The following FAM20C variants were observed in gnomAD, a reference collection of about 807,000 sequenced individuals.
FAM20C encodes the protein extracellular serine/threonine protein kinase FAM20C.
FAM20C carries 40 observed loss-of-function variants against 51.5 expected under a neutral mutation model. That is an observed-to-expected ratio of 0.78 (90% CI 0.60 to 1.01). FAM20C has a LOEUF of 1.01. FAM20C is among the 50% of genes least tolerant of loss of function. The probability of loss-of-function intolerance (pLI) is 0.00; values close to 1 mark genes in which losing one functional copy is unlikely to be tolerated. For synonymous variants in FAM20C, 406 were observed against 380.6 expected, an observed-to-expected ratio of 1.07 and a Z score of -0.78; for missense variants, 861 against 844.7, an observed-to-expected ratio of 1.02 and a Z score of -0.24.
chr7:232,508 A>G (rs1423303551), intron 3 of FAM20C, among the ~76,000 whole-genome samples: 2 of 152,246 alleles, frequency 1.3e-5, no homozygotes, highest in African/African-American at 2.4e-5. Context: ...TCACTCAAAC[A>G]GCTTAGCACA....
At chr7:223,932 CT>C (rs1787350167) in intron 3 of FAM20C, among the ~76,000 whole-genome samples, 1 of 152,186 alleles carries the variant, frequency 6.6e-6, no homozygotes, top group African/African-American at 2.4e-5. Context: ...TGAGGGGCAC[CT>C]GGGACCCCTG....
intron 9 of FAM20C, among the ~76,000 whole-genome samples, chr7:259,486 CTCTT>C (rs1788784283): frequency 6.6e-6 from 1 of 152,098 alleles, no homozygotes; most frequent in African/African-American, 2.4e-5. Flanking sequence ...CTGCCTGTTT[CTCTT>C]TATCTGTGTC....
At chr7:220,469 T>C (rs961909482) in intron 3 of FAM20C, among the ~76,000 whole-genome samples, 1 of 152,068 alleles carries the variant, frequency 6.6e-6, no homozygotes, top group Non-Finnish European at 1.5e-5. Context: ...GGGTGATGCG[T>C]GGAGGGACTG....
At chr7:259,243 G>A (rs371399332) in intron 9 of FAM20C, among the ~76,000 whole-genome samples, 33 of 152,248 alleles carry the variant, frequency 2.2e-4, no homozygotes, top group East Asian at 1.7e-3. Flanking sequence ...TGAGCGGGCC[G>A]CCCTCCTCAC....
intron 6 of FAM20C, 184 bp downstream of exon 6, chr7:256,213 C>T: frequency 1.3e-6 from 1 of 774,000 alleles, no homozygotes; most frequent in South Asian, 1.9e-5. Context: ...CGTCCTTACT[C>T]CAGTATTTCC....
intron 3 of FAM20C, among the ~76,000 whole-genome samples, chr7:232,104 C>T (rs536877725): frequency 6.6e-6 from 1 of 152,382 alleles, no homozygotes; most frequent in South Asian, 2.1e-4. Context: ...ACGCCCCTTT[C>T]CCTGCTCGGC....
chr7:250,894 C>T (rs1370843219), intron 5 of FAM20C, among the ~76,000 whole-genome samples: 1 of 152,242 alleles, frequency 6.6e-6, no homozygotes, highest in African/African-American at 2.4e-5. Context: ...CAGGTGCCAG[C>T]GCCCCATGCA....
intron 3 of FAM20C, among the ~76,000 whole-genome samples, chr7:211,159 C>G (rs1786689712): frequency 6.8e-6 from 1 of 147,610 alleles, no homozygotes; most frequent in African/African-American, 2.5e-5. Flanking sequence ...TGGGCCTCCT[C>G]CCAGCCTCCG....
At chr7:232,000 G>A (rs768966622) in intron 3 of FAM20C, among the ~76,000 whole-genome samples, 8 of 152,174 alleles carry the variant, frequency 5.3e-5, no homozygotes, top group Non-Finnish European at 1.2e-4. Context: ...CTCTGCCGCC[G>A]ACCCGGCATC....
intron 3 of FAM20C, among the ~76,000 whole-genome samples, chr7:244,814 G>A (rs1237058271): frequency 6.6e-6 from 1 of 152,242 alleles, no homozygotes; most frequent in Admixed American, 6.5e-5. Flanking sequence ...ATGTGGGATC[G>A]TGGAAAGTGG....
At chr7:198,403 T>G (rs1000425534) in intron 2 of FAM20C, among the ~76,000 whole-genome samples, 2 of 151,898 alleles carry the variant, frequency 1.3e-5, no homozygotes, top group African/African-American at 4.8e-5. Flanking sequence ...GACTCTGACT[T>G]ACAAATCTGA....
At chr7:198,421 G>A (rs574505362) in intron 2 of FAM20C, among the ~76,000 whole-genome samples, 1 of 152,230 alleles carries the variant, frequency 6.6e-6, no homozygotes, top group South Asian at 2.1e-4. Flanking sequence ...TGAATGCCAA[G>A]CAAAACCCAT....
At chr7:211,764 G>A (rs1583294701) in intron 3 of FAM20C, among the ~76,000 whole-genome samples, 1 of 152,348 alleles carries the variant, frequency 6.6e-6, no homozygotes, top group East Asian at 1.9e-4. Flanking sequence ...TGGGGAAACT[G>A]AGGCCCGGAA....
chr7:233,539 G>C (rs946974883), intron 3 of FAM20C, among the ~76,000 whole-genome samples: 1 of 152,156 alleles, frequency 6.6e-6, no homozygotes, highest in Admixed American at 6.5e-5. Context: ...GAGCTCCCCC[G>C]GGAGGCTCAG....
chr7:241,478 T>G (rs1787944423), intron 3 of FAM20C, among the ~76,000 whole-genome samples: 1 of 152,090 alleles, frequency 6.6e-6, no homozygotes. Flanking sequence ...TGCAAGGCTG[T>G]GCCAGGGAAA....
In FAM20C at chr7:256,997, C is replaced by G; in HGVS notation, c.1364-8C>G. ...ACGAGCTGTGACACTTTCTGCCTCT[C>G]TCCGCAGGAAACATGGACCGTCACC... On this transcript the variant is annotated splice_region_variant and splice_polypyrimidine_tract_variant and intron_variant, in intron 7 of 9. Coordinates refer to ENST00000313766, the MANE Select transcript of FAM20C (RefSeq NM_020223.4). The G allele has an allele frequency of 6.5e-7, 1 of 1,537,048 alleles. No homozygotes were observed. Among genetic ancestry groups the G allele is most frequent in the Non-Finnish European group, 8.7e-7 (1 of 1,146,870 alleles).
At chr7:235,504 T>C (rs1005859397) in intron 3 of FAM20C, among the ~76,000 whole-genome samples, 1 of 152,164 alleles carries the variant, frequency 6.6e-6, no homozygotes, top group Non-Finnish European at 1.5e-5. Context: ...ATAGTCAGCT[T>C]GTTTGTTTTA....
chr7:228,365 TG>T (rs1454375481), intron 3 of FAM20C: 1 of 427,382 alleles, frequency 2.3e-6, no homozygotes, highest in Non-Finnish European at 4.7e-6. Flanking sequence ...CAGGGGCTCT[TG>T]TCAGTGTGGC....
At chr7:248,200 G>A (rs1272460023) in intron 4 of FAM20C, 115 bp from the exon 5 acceptor site, 14 of 694,578 alleles carry the variant, frequency 2.0e-5, no homozygotes, top group African/African-American at 3.6e-5. Context: ...ACAGAGGCCC[G>A]CTGAGCCGCA....
Sources: allele counts gnomAD v4.1 joint callset (sites outside exome capture counted in the v4.1 genomes callset), GRCh38; gene constraint gnomAD v4.1.1; transcripts MANE v1.5; gene names NCBI Gene and HGNC (gene_info 2026-07-23, HGNC 2026-07-21).